Variants in PTK2 observed in about 807,000 individuals in gnomAD.
PTK2 encodes focal adhesion kinase 1.
In PTK2, 45 loss-of-function variants were observed where a neutral mutation model predicts 150.1. The observed-to-expected ratio is 0.30, with a 90% confidence interval of 0.24 to 0.38. The LOEUF (loss-of-function observed/expected upper bound fraction) is 0.38, where lower values mean the gene tolerates loss of function less well. Ranked by LOEUF, PTK2 falls within the 10% of genes least tolerant of loss-of-function variation. The pLI is 1.00. For missense variants in PTK2, 919 were observed against 1,307.3 expected (o/e 0.70, Z 4.58); for synonymous variants, 432 against 449.2 (o/e 0.96, Z 0.48).
Position 140,770,811 on chromosome 8 carries a change from G to T in PTK2, c.1178-6521C>A. On this transcript the variant is annotated intron_variant, in intron 14 of 31. Coordinates refer to ENST00000522684, the Ensembl canonical transcript of PTK2. Reference sequence around the variant, plus strand: ...GCAGTGACTGACTCCTTTATAAAGAGGCAAGAGGGGAAAGAGAAAAATAGA... The same window carrying T: ...GCAGTGACTGACTCCTTTATAAAGATGCAAGAGGGGAAAGAGAAAAATAGA... 2 of 1,252,506 alleles carry T rather than the reference G, an allele frequency of 1.6e-6. No individual in the cohort carries two copies. The highest frequency in any genetic ancestry group is 2.1e-6 in the Non-Finnish European group (2 of 960,584). 77.6% of individuals were successfully genotyped at this position (1,252,506 alleles called of 1,614,324 possible). A position where few individuals can be genotyped will look rare whatever the true frequency, so the allele number is the denominator to read the frequency against.
chr8:140,773,399 G>A (rs2100076645), intron 14 of PTK2, among the ~76,000 whole-genome samples: 1 of 152,204 alleles, frequency 6.6e-6, no homozygotes, highest in Non-Finnish European at 1.5e-5. Context: ...AAATTTTATG[G>A]CATGTCAACA....
chr8:140,671,857 G>C (rs1399411966), intron 29 of PTK2, among the ~76,000 whole-genome samples: 1 of 149,344 alleles, frequency 6.7e-6, no homozygotes, highest in Non-Finnish European at 1.5e-5. Flanking sequence ...GCGTGAACCC[G>C]GGAGGCGGAG....
In PTK2 at chr8:140,875,536, G is replaced by C. The variant is rs371881088; in HGVS notation, c.362+3935C>G. On this transcript the variant is annotated intron_variant, in intron 4 of 31. Transcript: ENST00000522684. ...GAGGTCATCAGAAACTCCAGAGTTT[G>C]CTCTGAGTGTGATGAGAAGCTACTG... is the stretch of plus-strand genomic sequence containing the variant. Among the ~76,000 whole-genome samples, 117 of 152,270 alleles carry C rather than the reference G, an allele frequency of 7.7e-4. 1 individual carries two copies. The South Asian group carries it at 0.024, about 31-fold the overall frequency.
intron 22 of PTK2, among the ~76,000 whole-genome samples, chr8:140,729,967 TA>T (rs1331253865): frequency 6.6e-6 from 1 of 152,204 alleles, no homozygotes; most frequent in African/African-American, 2.4e-5. Flanking sequence ...AAATAGTGTA[TA>T]AAAGTTCATG....
chr8:140,776,481 A>G (rs1232114789), intron 14 of PTK2, among the ~76,000 whole-genome samples: 3 of 152,244 alleles, frequency 2.0e-5, no homozygotes, highest in Non-Finnish European at 4.4e-5. Context: ...GAAAAAACTT[A>G]GGCAAAATTA....
At chr8:140,972,963 C>T (rs1049864492) in intron 1 of PTK2, among the ~76,000 whole-genome samples, 4 of 152,206 alleles carry the variant, frequency 2.6e-5, no homozygotes, top group Non-Finnish European at 5.9e-5. Flanking sequence ...GTTCTTTATT[C>T]AAATCCCTGA....
In PTK2 at chr8:140,989,630, T is replaced by G. The variant is rs571237849; in HGVS notation, c.-122+11495A>C. On this transcript the variant is annotated intron_variant, in intron 1 of 31. Coordinates refer to ENST00000522684, the Ensembl canonical transcript of PTK2. Reference sequence around the variant, plus strand: ...TTATTTTAAAAAGTGCAACCTCGGCTGGGCACGGTGGCTCACACCTGTAAT... The same window carrying G: ...TTATTTTAAAAAGTGCAACCTCGGCGGGGCACGGTGGCTCACACCTGTAAT... Among the ~76,000 whole-genome samples, 4 of 151,808 alleles carry G rather than the reference T, an allele frequency of 2.6e-5. No homozygotes were observed. The South Asian group carries it at 6.2e-4, about 24-fold the overall frequency.
intron 22 of PTK2, chr8:140,735,044 T>G (rs1565325743): frequency 8.5e-6 from 5 of 591,472 alleles, no homozygotes; most frequent in Non-Finnish European, 1.5e-5. Flanking sequence ...AATTGGAGCT[T>G]TATTAAAATT....
At chr8:140,686,774 C>CT in intron 26 of PTK2, 80 bp from the exon 30 acceptor site, 2 of 1,186,122 alleles carry the variant, frequency 1.7e-6, no homozygotes, top group Non-Finnish European at 2.5e-6. Flanking sequence ...AAATTCCTTC[C>CT]TTTTTAACAC....
intron 27 of PTK2, among the ~76,000 whole-genome samples, chr8:140,683,467 A>T (rs1452355324): frequency 6.6e-6 from 1 of 152,192 alleles, no homozygotes. Context: ...ACTCCAAAAA[A>T]TTGAGGAGGA....
chr8:140,907,971 T>C (rs912312068), intron 2 of PTK2, among the ~76,000 whole-genome samples: 8 of 152,112 alleles, frequency 5.3e-5, no homozygotes, highest in African/African-American at 1.9e-4. Context: ...GTCCCATTCC[T>C]CTCACTTTAA....
At chr8:140,773,333 A>G (rs1027144472) in intron 14 of PTK2, among the ~76,000 whole-genome samples, 1 of 152,216 alleles carries the variant, frequency 6.6e-6, no homozygotes, top group African/African-American at 2.4e-5. Context: ...TAGAAACCCA[A>G]ACTTTCAAAT....
At chr8:140,761,022 C>T (rs1431326852) in intron 16 of PTK2, 143 bp downstream of exon 19, 1 of 597,838 alleles carries the variant, frequency 1.7e-6, no homozygotes, top group Non-Finnish European at 2.9e-6. Flanking sequence ...CAAGTATAAG[C>T]TGACATTTAT....
chr8:140,806,887 C>T (rs1209696686), intron 10 of PTK2, among the ~76,000 whole-genome samples: 2 of 152,254 alleles, frequency 1.3e-5, no homozygotes, highest in East Asian at 3.8e-4. Context: ...GGGGCTGGCA[C>T]TGCCCACCTA....
chr8:140,881,097 G>T (rs778857527), intron 3 of PTK2, among the ~76,000 whole-genome samples: 5 of 152,194 alleles, frequency 3.3e-5, no homozygotes, highest in African/African-American at 4.8e-5. Context: ...AGGACAGGAA[G>T]GATGTTTGCA....
At chr8:140,775,928 C>A (rs1357833381) in intron 14 of PTK2, among the ~76,000 whole-genome samples, 2 of 152,200 alleles carry the variant, frequency 1.3e-5, no homozygotes, top group African/African-American at 4.8e-5. Flanking sequence ...TTCGCCCCTG[C>A]ACCTAAACCA....
At chr8:140,760,703 A>C (rs1219697219) in intron 16 of PTK2, among the ~76,000 whole-genome samples, 2 of 152,240 alleles carry the variant, frequency 1.3e-5, no homozygotes, top group African/African-American at 4.8e-5. Flanking sequence ...TGAATTGTAC[A>C]CTTCAAAAGA....
intron 1 of PTK2, among the ~76,000 whole-genome samples, chr8:140,999,746 A>G (rs1453911850): frequency 6.6e-6 from 1 of 152,172 alleles, no homozygotes; most frequent in Non-Finnish European, 1.5e-5. Context: ...TTCCCAAATA[A>G]AATATTAAGG....
chr8:140,901,786 A>C (rs531954269), intron 2 of PTK2, among the ~76,000 whole-genome samples: 1 of 151,730 alleles, frequency 6.6e-6, no homozygotes, highest in Admixed American at 6.6e-5. Context: ...AATATTTCTC[A>C]TAACGCTATC....
Sources: gnomAD v4.1 joint callset for allele counts (sites outside exome capture counted in the v4.1 genomes callset) on GRCh38, gnomAD v4.1.1 for gene constraint, MANE v1.5 for transcripts, NCBI Gene and HGNC (gene_info 2026-07-23, HGNC 2026-07-21) for gene names.